TRADD: variants seen among roughly 807,000 people sequenced by gnomAD.
TRADD encodes tumor necrosis factor receptor type 1-associated DEATH domain protein.
A neutral mutation model predicts 31.5 loss-of-function variants in TRADD; 14 were observed. That is an observed-to-expected ratio of 0.44 (90% CI 0.29 to 0.69). The LOEUF (loss-of-function observed/expected upper bound fraction) is 0.69, where lower values mean the gene tolerates loss of function less well. Ranked by LOEUF, TRADD falls within the 30% of genes least tolerant of loss-of-function variation. TRADD has a pLI of 0.11. For synonymous variants in TRADD, 220 were observed against 215.8 expected, an observed-to-expected ratio of 1.02 and a Z score of -0.17; for missense variants, 388 against 435.7, an observed-to-expected ratio of 0.89 and a Z score of 0.97.
rs13312734 is a variant in TRADD, at chr16:67,155,345, C to T, written c.429+32G>A. 8,462 of 1,604,816 alleles carry T rather than the reference C, an allele frequency of 5.3e-3. 36 individuals carry two copies. Among genetic ancestry groups the T allele is most frequent in the Non-Finnish European group, 6.4e-3 (7,605 of 1,179,756 alleles). ...GGGGGACTTAACCGCGGATCCCCGCCCTACCCCATCCTGACCCTAGCCCGG... is the reference window on the plus strand; with the variant it reads ...GGGGGACTTAACCGCGGATCCCCGCTCTACCCCATCCTGACCCTAGCCCGG... On this transcript the variant is annotated intron_variant, in intron 3 of 4. Transcript: ENST00000345057.
Position 67,154,848 on chromosome 16 carries a change from G to A in TRADD, c.740C>T (p.Pro247Leu). 1.3e-6 allele frequency: 2 copies of A among 1,593,042 alleles called. No individual in the cohort carries two copies. The highest frequency in any genetic ancestry group is 8.5e-7 in the Non-Finnish European group (1 of 1,170,962). ...LQRGCRALRD[P>L]ALDSLAYEYE... is the part of the protein sequence containing the mutation. ...CTCGTAGGCCAGCGAGTCCAGCGCC[G>A]GGTCCCGCAGCGCCCGGCAGCCTCG... The change falls in exon 5 of 5, where the codon CCG becomes CTG. Residue 247 changes from proline to leucine, a missense_variant. By Grantham distance (98) the Pro-to-Leu change is moderately conservative (BLOSUM62 -3). Coordinates refer to ENST00000345057, the MANE Select transcript of TRADD (RefSeq NM_003789.4). This position sits in a 1 kb window ranked among gnomAD's most constrained non-coding sequence, Gnocchi z 5.2.
intron 1 of TRADD, among the ~76,000 whole-genome samples, chr16:67,157,858 A>AC (rs147690202): frequency 0.01 from 1,539 of 152,014 alleles, 22 homozygotes; most frequent in Non-Finnish European, 0.014. Context: ...CCCAGTTACT[A>AC]CCCCGTGAGA....
In TRADD at chr16:67,154,838, G is replaced by T. The variant is rs1258658019; in HGVS notation, c.750C>A (p.Asp250Glu). 6.3e-7 allele frequency: 1 copy of T among 1,590,968 alleles called. No homozygotes were observed. The highest frequency in any genetic ancestry group is 1.8e-5 in the Admixed American group (1 of 57,044). Residue 250 changes from aspartate to glutamate, a missense_variant, in exon 5 of 5, where the codon GAC (aspartate) becomes GAA (glutamate). By Grantham distance (45) the Asp-to-Glu change is conservative. Transcript: ENST00000345057. The surrounding 1 kb of genome is among the most constrained non-coding windows in gnomAD (Gnocchi z 5.2). ...CGCGCTCGTACTCGTAGGCCAGCGA[G>T]TCCAGCGCCGGGTCCCGCAGCGCCC... ...GCRALRDPAL[D>E]SLAYEYEREG...
Position 67,156,684 on chromosome 16 carries a change from G to T in TRADD, c.-8-16C>A. 1 of 1,609,788 alleles carries T rather than the reference G, an allele frequency of 6.2e-7. No individual in the cohort carries two copies. The highest frequency in any genetic ancestry group is 8.5e-7 in the Non-Finnish European group (1 of 1,179,864). ...ATCTCACCTCCTGGAGATGCAGACA[G>T]TCAGGTATCCAGTTCATCCCCCCTC... On this transcript the variant is annotated splice_polypyrimidine_tract_variant and intron_variant, in intron 1 of 4. Coordinates refer to ENST00000345057, the MANE Select transcript of TRADD (RefSeq NM_003789.4). The surrounding 1 kb of genome is among the most constrained non-coding windows in gnomAD (Gnocchi z 4.6).
At position 67,154,613 on chromosome 16, in the gene TRADD, C is replaced by T. The variant is rs1272285308; in HGVS notation, c.*36G>A. 42 of 1,603,082 alleles carry T rather than the reference C, an allele frequency of 2.6e-5. No individual in the cohort carries two copies. The highest frequency in any genetic ancestry group is 3.3e-5 in the Non-Finnish European group (39 of 1,176,318). ...ATAGCCGCAGAAGGAACCCTAAGGC[C>T]ATCCAGGTTCTCCAAAAGCTGGCTG... On this transcript the variant is annotated 3_prime_UTR_variant, in exon 5 of 5. Transcript: ENST00000345057. This position sits in a 1 kb window ranked among gnomAD's most constrained non-coding sequence, Gnocchi z 5.2.
chr16:67,156,706 C>T lies in TRADD; in HGVS notation c.-8-38G>A. ...ACAGTCAGGTATCCAGTTCATCCCC[C>T]CTCCCTCCACCCTGGAGACAACTAC... On this transcript the variant is annotated intron_variant, in intron 1 of 4. Coordinates refer to ENST00000345057, the MANE Select transcript of TRADD (RefSeq NM_003789.4). This position sits in a 1 kb window ranked among gnomAD's most constrained non-coding sequence, Gnocchi z 4.6. 1 of 1,610,878 alleles carries T rather than the reference C, an allele frequency of 6.2e-7. No homozygotes were observed. The highest frequency in any genetic ancestry group is 8.5e-7 in the Non-Finnish European group (1 of 1,179,952).
rs201846464 is a variant in TRADD, at chr16:67,154,665, T to C, written c.923A>G (p.Asn308Ser). 10 of 1,612,770 alleles carry C rather than the reference T, an allele frequency of 6.2e-6. No homozygotes were observed. The East Asian group carries it at 1.3e-4, about 22-fold the overall frequency. The change falls in exon 5 of 5, where the codon AAT becomes AGT. Residue 308 changes from asparagine (N) to serine (S), a missense_variant. By Grantham distance (46) the Asn-to-Ser change is conservative. Coordinates refer to ENST00000345057, the MANE Select transcript of TRADD (RefSeq NM_003789.4). This position sits in a 1 kb window ranked among gnomAD's most constrained non-coding sequence, Gnocchi z 5.2. ...ACCCCTGGTCTAGGCCAGGCCGCCA[T>C]TGGGATCGGTCAGGCCCAGCAAGTC... ...AEDLLGLTDPNGGLA is the reference protein window; with the variant it reads ...AEDLLGLTDPSGGLA
chr16:67,155,030 C>A lies in TRADD; in HGVS notation c.628+66G>T, dbSNP rs932856447. 2.3e-5 allele frequency: 36 copies of A among 1,548,918 alleles called. 1 individual carries two copies. In the Admixed American group the frequency reaches 6.0e-4, roughly 26 times the overall value. ...GCCGGTCCCACCCATCCCCACCCGGCAACGACCCCTGCCCCTCCCCAGACT... is the reference window on the plus strand; with the variant it reads ...GCCGGTCCCACCCATCCCCACCCGGAAACGACCCCTGCCCCTCCCCAGACT... On this transcript the variant is annotated intron_variant, in intron 4 of 4. Transcript: ENST00000345057.
chr16:67,155,494 C>T lies in TRADD; in HGVS notation c.312G>A (p.Ala104=). 2 of 1,556,038 alleles carry T rather than the reference C, an allele frequency of 1.3e-6. No homozygotes were observed. Among genetic ancestry groups the T allele is most frequent in the Non-Finnish European group, 1.7e-6 (2 of 1,157,892 alleles). ...GCACCGAGTGCTGGGCGAGCGCGGC[C>T]GCCAGGCTCCTCTGCAGCGCGGCGC... ...ALRAALQRSL[A]AALAQHSVPL... Residue 104 remains alanine (A), a synonymous_variant, in exon 3 of 5, where the codon GCG becomes GCA. Coordinates refer to ENST00000345057, the MANE Select transcript of TRADD (RefSeq NM_003789.4).
chr16:67,155,027 C>T, intron 4 of TRADD, 68 bp from the exon 5 acceptor site: 3 of 1,555,344 alleles, frequency 1.9e-6, no homozygotes, highest in Middle Eastern at 1.7e-4. Context: ...CATCCCCACC[C>T]GGCAACGACC....
In TRADD at chr16:67,154,332, C is replaced by G; in HGVS notation, c.*317G>C. 1 of 503,868 alleles carries G rather than the reference C, an allele frequency of 2.0e-6. No individual in the cohort carries two copies. Among genetic ancestry groups the G allele is most frequent in the South Asian group, 2.2e-5 (1 of 45,598 alleles). The allele number at this position is 503,868 out of a possible 1,614,324, so 31.2% of individuals were successfully genotyped here. A position where few individuals can be genotyped will look rare whatever the true frequency, so the allele number is the denominator to read the frequency against. The stretch of plus-strand genomic sequence containing the variant: ...GCACCCAGGATGAAGTCCAGGACAC[C>G]AAAGATCAAGGTGCTTCATGAGTGA... On this transcript the variant is annotated 3_prime_UTR_variant, in exon 5 of 5. Transcript: ENST00000345057. The surrounding 1 kb of genome is among the most constrained non-coding windows in gnomAD (Gnocchi z 5.2).
intron 1 of TRADD, among the ~76,000 whole-genome samples, chr16:67,158,003 T>C (rs2145909560): frequency 6.6e-6 from 1 of 152,274 alleles, no homozygotes; most frequent in Non-Finnish European, 1.5e-5. Flanking sequence ...AGGGTTTATA[T>C]ATGGTGGGCT....
chr16:67,154,795 C>A lies in TRADD; in HGVS notation c.793G>T (p.Ala265Ser), dbSNP rs1386112733. ...ACGAAGCGCCGCAGCAGCTGGAAGGCCTGCTCGTACAGTCCCTCGCGCTCG... is the reference window on the plus strand; with the variant it reads ...ACGAAGCGCCGCAGCAGCTGGAAGGACTGCTCGTACAGTCCCTCGCGCTCG... Reference protein sequence around the residue: ...EYEREGLYEQAFQLLRRFVQA... With the variant: ...EYEREGLYEQSFQLLRRFVQA... Residue 265 changes from alanine to serine, a missense_variant, in exon 5 of 5, where the codon GCC becomes TCC. By Grantham distance (99) the Ala-to-Ser change is moderately conservative. Coordinates refer to ENST00000345057, the MANE Select transcript of TRADD (RefSeq NM_003789.4). This position sits in a 1 kb window ranked among gnomAD's most constrained non-coding sequence, Gnocchi z 5.2. 1.3e-6 allele frequency: 2 copies of A among 1,598,314 alleles called. No individual in the cohort carries two copies. The highest frequency in any genetic ancestry group is 4.6e-5 in the East Asian group (2 of 43,818).
chr16:67,156,546 C>A lies in TRADD; in HGVS notation c.115G>T (p.Val39Leu). ...GCCTGCAGAGCCCTGTACACTGCCA[C>A]CTTCTGCTGGGGGTGCGCGTAGGCA... ...SDAYAHPQQK[V>L]AVYRALQAAL... Residue 39 changes from valine to leucine, a missense_variant, in exon 2 of 5, where the codon GTG becomes TTG. Coordinates refer to ENST00000345057, the MANE Select transcript of TRADD (RefSeq NM_003789.4). The surrounding 1 kb of genome is among the most constrained non-coding windows in gnomAD (Gnocchi z 4.6). 1 of 1,613,746 alleles carries A rather than the reference C, an allele frequency of 6.2e-7. No individual in the cohort carries two copies. Among genetic ancestry groups the A allele is most frequent in the South Asian group, 1.1e-5 (1 of 91,082 alleles).
chr16:67,155,741 A>G, intron 2 of TRADD, 87 bp from the exon 3 acceptor site: 2 of 1,485,038 alleles, frequency 1.3e-6, no homozygotes. Context: ...CCCGTGGTGA[A>G]GCCCCGCGTC....
At chr16:67,157,723 C>T (rs1019072507) in intron 1 of TRADD, among the ~76,000 whole-genome samples, 2 of 152,172 alleles carry the variant, frequency 1.3e-5, no homozygotes, top group African/African-American at 4.8e-5. Flanking sequence ...CAGAAAAAGC[C>T]AGGGCCCCTT....
chr16:67,154,902 T>C lies in TRADD; in HGVS notation c.686A>G (p.Lys229Arg). The change falls in exon 5 of 5, where the codon AAA becomes AGA. Residue 229 changes from lysine (K) to arginine (R), a missense_variant. Physicochemically the swap from Lys to Arg is conservative, Grantham distance 26 (BLOSUM62 2). Transcript: ENST00000345057. The surrounding 1 kb of genome is among the most constrained non-coding windows in gnomAD (Gnocchi z 5.2). ...QQTFARSVGLKWRKVGRSLQR... is the reference protein window; with the variant it reads ...QQTFARSVGLRWRKVGRSLQR... ...CAGTGAGCGCCCCACCTTGCGCCAT[T>C]TGAGACCCACAGAGCGCGCGAACGT... 6.2e-7 allele frequency: 1 copy of C among 1,605,644 alleles called. No individual in the cohort carries two copies. The highest frequency in any genetic ancestry group is 1.1e-5 in the South Asian group (1 of 90,016).
intron 1 of TRADD, among the ~76,000 whole-genome samples, chr16:67,157,057 C>T (rs560943932): frequency 6.6e-6 from 1 of 152,314 alleles, no homozygotes; most frequent in South Asian, 2.1e-4. Flanking sequence ...CTGGATGGTG[C>T]CCATGCCCCA....
In TRADD at chr16:67,156,329, G is replaced by A; in HGVS notation, c.151+181C>T. Reference sequence around the variant, plus strand: ...AAATTGGTAAATCATACACAGACTCGAGAACACACGCCTATCCTCAAGGTC... The same window carrying A: ...AAATTGGTAAATCATACACAGACTCAAGAACACACGCCTATCCTCAAGGTC... On this transcript the variant is annotated intron_variant, in intron 2 of 4. Coordinates refer to ENST00000345057, the MANE Select transcript of TRADD (RefSeq NM_003789.4). The surrounding 1 kb of genome is among the most constrained non-coding windows in gnomAD (Gnocchi z 4.6). 3.5e-6 allele frequency: 4 copies of A among 1,158,716 alleles called. No individual in the cohort carries two copies. The highest frequency in any genetic ancestry group is 5.1e-5 in the East Asian group (2 of 39,032). 71.8% of individuals were successfully genotyped at this position (1,158,716 alleles called of 1,614,324 possible). A position where few individuals can be genotyped will look rare whatever the true frequency, so the allele number is the denominator to read the frequency against.
Sources: gnomAD v4.1 joint callset for allele counts (sites outside exome capture counted in the v4.1 genomes callset) on GRCh38, gnomAD v4.1.1 for gene constraint, Gnocchi (gnomAD v3.1) non-coding constraint, MANE v1.5 for transcripts, NCBI Gene and HGNC (gene_info 2026-07-23, HGNC 2026-07-21) for gene names.